Variants in EGFL6 observed in about 807,000 individuals in gnomAD.
The protein encoded by EGFL6 is EGF like domain multiple 6.
In EGFL6, 42 loss-of-function variants were observed where a neutral mutation model predicts 43.1. That is an observed-to-expected ratio of 0.98 (90% CI 0.76 to 1.26). The LOEUF is 1.26. Among genes scored for constraint, EGFL6 ranks in the 50% most tolerant of loss-of-function variants. The pLI, the probability that EGFL6 is intolerant of heterozygous loss-of-function variation, is 0.00. For missense variants in EGFL6, 429 were observed against 427.8 expected (o/e 1.00, Z -0.02); for synonymous variants, 164 against 163.2 (o/e 1.01, Z -0.04).
At chrX:13,578,033 A>G (rs763165641) in intron 1 of EGFL6, among the ~76,000 whole-genome samples, 14 of 112,690 alleles carry the variant, frequency 1.2e-4, no homozygotes, top group Non-Finnish European at 2.4e-4. Flanking sequence ...TAGTAATAGA[A>G]TGCTTATAAT....
At chrX:13,606,848 T>C (rs2045663507) in intron 6 of EGFL6, among the ~76,000 whole-genome samples, 1 of 112,282 alleles carries the variant, frequency 8.9e-6, no homozygotes, top group Admixed American at 9.4e-5. Flanking sequence ...CATCTAAAAA[T>C]CAGAACAATA....
At chrX:13,618,464 G>T (rs957045956) in intron 8 of EGFL6, among the ~76,000 whole-genome samples, 1 of 112,630 alleles carries the variant, frequency 8.9e-6, no homozygotes, top group Non-Finnish European at 1.9e-5. Context: ...ACTTTTACAG[G>T]CCTAGTCTAT....
At chrX:13,616,634 A>G (rs977922543) in intron 7 of EGFL6, among the ~76,000 whole-genome samples, 1 of 110,672 alleles carries the variant, frequency 9.0e-6, no homozygotes, top group Non-Finnish European at 1.9e-5. Context: ...GAAAGAAAAG[A>G]AAAGAAAAAT....
rs2045460481 is a variant in EGFL6, at chrX:13,574,578, ATCAGT to A, written c.74+4647_74+4651del. Among the ~76,000 whole-genome samples the A allele has an allele frequency of 2.7e-5, 3 of 111,446 alleles. No homozygotes were observed. The South Asian group carries it at 1.1e-3, about 43-fold the overall frequency. On this transcript the variant is annotated intron_variant, in intron 1 of 11. Coordinates refer to ENST00000361306, the MANE Select transcript of EGFL6 (RefSeq NM_015507.4). ...TCTTTAAAGGAGCAGTTAAATTAAA[ATCAGT>A]TCATTATGGTGGGTCCTTATCCAAT...
intron 10 of EGFL6, among the ~76,000 whole-genome samples, chrX:13,624,292 T>C (rs999433603): frequency 8.9e-6 from 1 of 112,021 alleles, no homozygotes; most frequent in African/African-American, 3.2e-5. Flanking sequence ...TTGTAGTTTT[T>C]GTTTTTTGTT....
chrX:13,595,346 A>G (rs1489903553), intron 3 of EGFL6, among the ~76,000 whole-genome samples: 1 of 111,862 alleles, frequency 8.9e-6, no homozygotes, highest in Non-Finnish European at 1.9e-5. Context: ...TAAAAGTGAG[A>G]GTGATCACCA....
chrX:13,595,672 G>A (rs1461291343), intron 3 of EGFL6, among the ~76,000 whole-genome samples: 1 of 111,068 alleles, frequency 9.0e-6, no homozygotes, highest in Non-Finnish European at 1.9e-5. Context: ...ATATTTAAAA[G>A]TGGAATTGTT....
At chrX:13,625,904 GAAAAAGAA>G (rs1206462646) in intron 10 of EGFL6, among the ~76,000 whole-genome samples, 1 of 27,249 alleles carries the variant, frequency 3.7e-5, no homozygotes, top group Non-Finnish European at 6.9e-5. Flanking sequence ...AAAAAAAAAA[GAAAAAGAA>G]AAAAAGAAAA....
chrX:13,626,086 A>G (rs894535277), intron 10 of EGFL6, among the ~76,000 whole-genome samples: 3 of 111,200 alleles, frequency 2.7e-5, no homozygotes, highest in African/African-American at 9.8e-5. Context: ...CAGACAGGCA[A>G]TTAATACTTT....
intron 1 of EGFL6, among the ~76,000 whole-genome samples, chrX:13,582,942 TCTAA>T (rs1321610118): frequency 8.9e-6 from 1 of 111,855 alleles, no homozygotes; most frequent in African/African-American, 3.3e-5. Context: ...TGATTTCACA[TCTAA>T]CTGTTTCAGA....
chrX:13,626,908 C>A, intron 10 of EGFL6, 103 bp from the exon 11 acceptor site: 1 of 896,480 alleles, frequency 1.1e-6, no homozygotes, highest in South Asian at 2.4e-5. Flanking sequence ...TCAGCTTTCC[C>A]TATAGGAGAC....
intron 9 of EGFL6, among the ~76,000 whole-genome samples, chrX:13,622,041 C>A (rs972710887): frequency 8.9e-6 from 1 of 112,351 alleles, no homozygotes; most frequent in African/African-American, 3.2e-5. Flanking sequence ...AACTGAAAAG[C>A]TGATATTCCA....
chrX:13,591,922 T>C (rs1049304835), intron 2 of EGFL6, among the ~76,000 whole-genome samples: 6 of 112,041 alleles, frequency 5.4e-5, no homozygotes, highest in African/African-American at 1.9e-4. Flanking sequence ...GATGAAAAGC[T>C]TCAGATAGAG....
intron 4 of EGFL6, among the ~76,000 whole-genome samples, chrX:13,600,539 G>A (rs565491168): frequency 3.7e-5 from 4 of 107,121 alleles, no homozygotes; most frequent in African/African-American, 1.0e-4. Flanking sequence ...CACCCACTTC[G>A]GCCTCTCAAA....
rs755901799 is a variant in EGFL6, at chrX:13,625,885, C to CAAAAAAAA, written c.1286-1115_1286-1108dup. 4.9e-4 allele frequency among the ~76,000 whole-genome samples: 15 copies of CAAAAAAAA among 30,862 alleles called. 1 individual carries two copies. The highest frequency in any genetic ancestry group is 1.7e-3 in the African/African-American group (15 of 9,068). 26.8% of individuals were successfully genotyped at this position (30,862 alleles called of 115,157 possible). A position where few individuals can be genotyped will look rare whatever the true frequency, so the allele number is the denominator to read the frequency against. ...TGGGTGACAGAGTGAGACCCTGCCTCAAAAAAAAAAAAAAAAAAGAAAAAG... is the reference window on the plus strand; with the variant it reads ...TGGGTGACAGAGTGAGACCCTGCCTCAAAAAAAAAAAAAAAAAAAAAAAAAAGAAAAAG... On this transcript the variant is annotated intron_variant, in intron 10 of 11. Coordinates refer to ENST00000361306, the MANE Select transcript of EGFL6 (RefSeq NM_015507.4).
intron 10 of EGFL6, among the ~76,000 whole-genome samples, chrX:13,626,553 C>T (rs1248400050): frequency 8.9e-6 from 1 of 112,061 alleles, no homozygotes; most frequent in Non-Finnish European, 1.9e-5. Context: ...AGTACAGGTG[C>T]AGGTGTGTTT....
intron 1 of EGFL6, among the ~76,000 whole-genome samples, chrX:13,589,176 G>T (rs1229464292): frequency 3.6e-5 from 4 of 112,030 alleles, no homozygotes; most frequent in African/African-American, 6.5e-5. Flanking sequence ...GGATAAAAGT[G>T]CAGAGCTCTG....
intron 1 of EGFL6, among the ~76,000 whole-genome samples, chrX:13,588,953 T>C (rs2045548002): frequency 1.8e-5 from 2 of 111,958 alleles, no homozygotes; most frequent in African/African-American, 6.5e-5. Flanking sequence ...AATTAAGCAG[T>C]TTAGCAAATT....
chrX:13,589,483 T>A, intron 1 of EGFL6, 73 bp from the exon 2 acceptor site: 2 of 878,612 alleles, frequency 2.3e-6, no homozygotes, highest in Middle Eastern at 3.1e-4. Flanking sequence ...TCTCTGGTTC[T>A]TTTAGTAGTA....
Sources: allele counts gnomAD v4.1 joint callset (sites outside exome capture counted in the v4.1 genomes callset), GRCh38; gene constraint gnomAD v4.1.1; transcripts MANE v1.5; gene names NCBI Gene and HGNC (gene_info 2026-07-23, HGNC 2026-07-21).